The following NAALADL2 variants were observed in gnomAD, a reference collection of about 807,000 sequenced individuals.
The protein encoded by NAALADL2 is inactive N-acetylated-alpha-linked acidic dipeptidase-like protein 2.
A neutral mutation model predicts 87.2 loss-of-function variants in NAALADL2; 76 were observed. The observed-to-expected ratio is 0.87, with a 90% CI of 0.72 to 1.05. The LOEUF is 1.05. NAALADL2 is among the 50% of genes least tolerant of loss of function. The pLI is 0.00. For synonymous variants in NAALADL2, 354 were observed against 331.0 expected (o/e 1.07, Z -0.75); for missense variants, 1,089 against 945.8 (o/e 1.15, Z -1.99).
intron 3 of NAALADL2, among the ~76,000 whole-genome samples, chr3:174,838,037 GA>G (rs1158682043): frequency 0.17 from 19,455 of 117,328 alleles, 1,603 homozygotes; most frequent in African/African-American, 0.26. Flanking sequence ...AAAAAAAAAA[GA>G]AAAAAAAAAA....
At chr3:175,169,456 AAT>A (rs141242519) in intron 2 of NAALADL2, among the ~76,000 whole-genome samples, 40 of 146,914 alleles carry the variant, frequency 2.7e-4, no homozygotes, top group Admixed American at 6.2e-4. Context: ...TAGTTGTAAG[AAT>A]ATATATATAT....
intron 3 of NAALADL2, among the ~76,000 whole-genome samples, chr3:174,819,489 C>A (rs1213666149): frequency 6.6e-6 from 1 of 151,870 alleles, no homozygotes; most frequent in Non-Finnish European, 1.5e-5. Context: ...AAGAGTCATA[C>A]ATGGACTCGA....
chr3:175,233,101 G>A (rs901690867), intron 2 of NAALADL2, among the ~76,000 whole-genome samples: 1 of 152,084 alleles, frequency 6.6e-6, no homozygotes, highest in African/African-American at 2.4e-5. Flanking sequence ...TTTCCCATTG[G>A]TTTGGCAATC....
At chr3:174,736,090 G>C (rs903422060) in intron 2 of NAALADL2, among the ~76,000 whole-genome samples, 1 of 152,112 alleles carries the variant, frequency 6.6e-6, no homozygotes, top group African/African-American at 2.4e-5. Flanking sequence ...CTGGCACCAG[G>C]GAACATGGTG....
intron 2 of NAALADL2, among the ~76,000 whole-genome samples, chr3:174,581,497 A>G (rs561656607): frequency 5.3e-5 from 8 of 152,302 alleles, no homozygotes; most frequent in Admixed American, 3.9e-4. Context: ...GCAACTTATT[A>G]TCACTGGAAC....
intron 1 of NAALADL2, among the ~76,000 whole-genome samples, chr3:174,886,324 T>A (rs1433225436): frequency 6.6e-6 from 1 of 152,046 alleles, no homozygotes; most frequent in Non-Finnish European, 1.5e-5. Flanking sequence ...CTTTTTATAT[T>A]TTTTCTGCCT....
intron 2 of NAALADL2, among the ~76,000 whole-genome samples, chr3:174,653,162 A>G (rs2108759480): frequency 6.6e-6 from 1 of 152,310 alleles, no homozygotes; most frequent in African/African-American, 2.4e-5. Flanking sequence ...ATGAACATAC[A>G]CATACTCTAA....
intron 2 of NAALADL2, among the ~76,000 whole-genome samples, chr3:174,556,243 A>G (rs1712802763): frequency 6.6e-6 from 1 of 152,126 alleles, no homozygotes; most frequent in African/African-American, 2.4e-5. Flanking sequence ...GGGAAGTGGA[A>G]TGATTTGCCA....
At chr3:175,307,876 G>A (rs1757905544) in intron 4 of NAALADL2, among the ~76,000 whole-genome samples, 1 of 152,150 alleles carries the variant, frequency 6.6e-6, no homozygotes, top group Non-Finnish European at 1.5e-5. Flanking sequence ...AAAAGCTGCT[G>A]TCCTGTAACA....
intron 2 of NAALADL2, among the ~76,000 whole-genome samples, chr3:175,140,558 G>C (rs536980912): frequency 4.6e-5 from 7 of 152,136 alleles, no homozygotes; most frequent in African/African-American, 1.7e-4. Context: ...ACTAAGCAAA[G>C]AAGGCAGGTA....
intron 10 of NAALADL2, 64 bp from the exon 11 acceptor site, chr3:175,627,227 A>G (rs946984354): frequency 7.6e-7 from 1 of 1,320,748 alleles, no homozygotes; most frequent in Non-Finnish European, 1.1e-6. Flanking sequence ...AGGAAAATCC[A>G]ATAAACACTT....
At chr3:175,461,987 T>C (rs1343558522) in intron 6 of NAALADL2, among the ~76,000 whole-genome samples, 1 of 152,104 alleles carries the variant, frequency 6.6e-6, no homozygotes, top group African/African-American at 2.4e-5. Flanking sequence ...CAGGGGATTT[T>C]AGAGTAGTGA....
chr3:175,445,500 G>A (rs369562809), intron 5 of NAALADL2, among the ~76,000 whole-genome samples: 2 of 151,782 alleles, frequency 1.3e-5, no homozygotes, highest in Non-Finnish European at 2.9e-5. Context: ...CCTTCTGCTC[G>A]GTTATGTGTT....
chr3:175,217,734 A>T (rs984810304), intron 2 of NAALADL2, among the ~76,000 whole-genome samples: 32 of 152,216 alleles, frequency 2.1e-4, no homozygotes, highest in African/African-American at 7.7e-4. Context: ...CCTTTAGCTA[A>T]CCATTGAACC....
chr3:174,856,468 T>C (rs1208447699), upstream of NAALADL2, among the ~76,000 whole-genome samples: 1 of 152,160 alleles, frequency 6.6e-6, no homozygotes, highest in Non-Finnish European at 1.5e-5. Context: ...TGATGAGATC[T>C]CATTCTGTCC....
intron 4 of NAALADL2, among the ~76,000 whole-genome samples, chr3:175,311,475 G>T (rs1758354102): frequency 6.6e-6 from 1 of 152,056 alleles, no homozygotes. Flanking sequence ...TGACATCATG[G>T]TTGCTTTATT....
chr3:174,573,904 C>T (rs545866032), intron 2 of NAALADL2, among the ~76,000 whole-genome samples: 71 of 152,182 alleles, frequency 4.7e-4, no homozygotes, highest in South Asian at 8.3e-4. Context: ...CCATAGCACC[C>T]GCCATAGCTA....
rs150236919 is a variant in NAALADL2 at position 174,902,800 on chromosome 3, A to G, written c.43+43350A>G. Among the ~76,000 whole-genome samples, 334 of 152,098 alleles carry G rather than the reference A, an allele frequency of 2.2e-3. 1 individual carries two copies. The highest frequency in any genetic ancestry group is 7.8e-3 in the African/African-American group (324 of 41,504). Reference sequence around the variant, plus strand: ...CTCAAGGAGGGCGGCACTGATGGTAATTTTTCCAAAGGCATTATCTGAGAT... The same window carrying G: ...CTCAAGGAGGGCGGCACTGATGGTAGTTTTTCCAAAGGCATTATCTGAGAT... On this transcript the variant is annotated intron_variant, in intron 1 of 13. Transcript: ENST00000454872.
upstream of NAALADL2, among the ~76,000 whole-genome samples, chr3:174,854,410 G>T (rs1251612986): frequency 6.6e-6 from 1 of 152,048 alleles, no homozygotes; most frequent in Non-Finnish European, 1.5e-5. Flanking sequence ...GGGATAAACG[G>T]GATGGTTAAT....
Sources: allele counts gnomAD v4.1 joint callset (sites outside exome capture counted in the v4.1 genomes callset), GRCh38; gene constraint gnomAD v4.1.1; transcripts MANE v1.5; gene names NCBI Gene and HGNC (gene_info 2026-07-23, HGNC 2026-07-21).